CDH8: variants seen among roughly 807,000 people sequenced by gnomAD.
The protein encoded by CDH8 is cadherin-8.
Under a neutral mutation model 68.1 loss-of-function variants are expected in CDH8, and 17 were observed. That is an observed-to-expected ratio of 0.25 (90% CI 0.17 to 0.37). CDH8 has a LOEUF of 0.37. Among genes scored for constraint, CDH8 ranks in the 10% least tolerant of loss-of-function variants. The probability of loss-of-function intolerance (pLI) is 1.00; values close to 1 mark genes in which losing one functional copy is unlikely to be tolerated. For synonymous variants in CDH8, 372 were observed against 365.1 expected, an observed-to-expected ratio of 1.02 and a Z score of -0.21; for missense variants, 763 against 999.3, an observed-to-expected ratio of 0.76 and a Z score of 3.19.
chr16:61,858,887 T>C (rs999462934), intron 3 of CDH8, among the ~76,000 whole-genome samples: 12 of 152,048 alleles, frequency 7.9e-5, no homozygotes, highest in African/African-American at 2.9e-4. Flanking sequence ...GGAGGACAAC[T>C]ACAAAATGGT....
chr16:61,900,286 G>A lies in CDH8; in HGVS notation c.547+893C>T, dbSNP rs145625878. On this transcript the variant is annotated intron_variant, in intron 3 of 11. Coordinates refer to ENST00000577390, the MANE Select transcript of CDH8 (RefSeq NM_001796.5). ...TTGTTCACCTGCTTCAAAGCTATGT[G>A]ACTTTACTACATAGCATGCACCCTT... Among the ~76,000 whole-genome samples, 1,397 of 152,142 alleles carry A rather than the reference G, an allele frequency of 9.2e-3. 21 individuals carry two copies. Among genetic ancestry groups the A allele is most frequent in the African/African-American group, 0.032 (1,314 of 41,498 alleles).
chr16:61,654,991 A>C (rs1381023637), intron 11 of CDH8, among the ~76,000 whole-genome samples: 1 of 152,212 alleles, frequency 6.6e-6, no homozygotes, highest in Non-Finnish European at 1.5e-5. Context: ...AGAGAAATGC[A>C]ATGGTATTTT....
intron 8 of CDH8, among the ~76,000 whole-genome samples, chr16:61,777,425 G>A (rs1007165805): frequency 3.9e-5 from 6 of 152,032 alleles, no homozygotes; most frequent in Admixed American, 2.0e-4. Context: ...TACAGCTTTG[G>A]AGAGGGTGGT....
intron 7 of CDH8, among the ~76,000 whole-genome samples, chr16:61,804,577 C>T (rs1243876850): frequency 2.0e-5 from 3 of 146,932 alleles, no homozygotes; most frequent in South Asian, 2.2e-4. Context: ...ACTAGCAAGA[C>T]TAATAAAGAA....
In CDH8 at chr16:61,648,528, A is replaced by G. The variant is rs1219830995; in HGVS notation, c.*5080T>C. 2.0e-5 allele frequency: 3 copies of G among 151,888 alleles called. No homozygotes were observed. The highest frequency in any genetic ancestry group is 4.8e-5 in the African/African-American group (2 of 41,412). The allele number at this position is 151,888 out of a possible 1,614,324, so 9.4% of individuals were successfully genotyped here. A position where few individuals can be genotyped will look rare whatever the true frequency, so the allele number is the denominator to read the frequency against. On this transcript the variant is annotated 3_prime_UTR_variant, in exon 12 of 12. Transcript: ENST00000577390. ...CATCAAAAGTCTCATAATTACAGAG[A>G]TAACTGTTTAGTTGAAAGTTAAGGG... is the stretch of plus-strand genomic sequence containing the variant.
intron 3 of CDH8, among the ~76,000 whole-genome samples, chr16:61,876,556 G>A (rs562886990): frequency 6.6e-6 from 1 of 152,034 alleles, no homozygotes; most frequent in Non-Finnish European, 1.5e-5. Flanking sequence ...GTCTAAGCAT[G>A]CTTTAATCCA....
At chr16:61,680,364 A>G (rs1438777919) in intron 10 of CDH8, among the ~76,000 whole-genome samples, 1 of 151,912 alleles carries the variant, frequency 6.6e-6, no homozygotes, top group East Asian at 1.9e-4. Flanking sequence ...AACTTAGGAA[A>G]ATCACCTATG....
chr16:61,986,811 C>G (rs1013072135), intron 2 of CDH8, among the ~76,000 whole-genome samples: 1 of 152,084 alleles, frequency 6.6e-6, no homozygotes, highest in Admixed American at 6.5e-5. Context: ...CTGGGGAGAC[C>G]ATTTACATTT....
chr16:61,790,461 C>A (rs1016023447), intron 7 of CDH8, among the ~76,000 whole-genome samples: 48 of 151,842 alleles, frequency 3.2e-4, no homozygotes, highest in African/African-American at 1.1e-3. Flanking sequence ...AGGATGGATG[C>A]CCAAAGAAGG....
At chr16:62,015,273 C>T (rs1216256130) in intron 2 of CDH8, among the ~76,000 whole-genome samples, 1 of 152,074 alleles carries the variant, frequency 6.6e-6, no homozygotes, top group Non-Finnish European at 1.5e-5. Flanking sequence ...AGACTTGGCT[C>T]CATTCTCCAA....
At chr16:61,755,660 TTTTA>T (rs770984123) in intron 8 of CDH8, among the ~76,000 whole-genome samples, 5 of 152,170 alleles carry the variant, frequency 3.3e-5, no homozygotes, top group Non-Finnish European at 5.9e-5. Context: ...TTTTATTTTA[TTTTA>T]TTTATTTTAT....
At chr16:61,792,682 C>A (rs559872058) in intron 7 of CDH8, among the ~76,000 whole-genome samples, 2 of 152,074 alleles carry the variant, frequency 1.3e-5, no homozygotes, top group South Asian at 4.1e-4. Context: ...GCTTCTGAGT[C>A]ATTGTGAAGT....
chr16:61,996,688 T>G (rs565282218), intron 2 of CDH8, among the ~76,000 whole-genome samples: 41 of 152,292 alleles, frequency 2.7e-4, no homozygotes, highest in African/African-American at 9.9e-4. Context: ...TAAATTATAT[T>G]ATATCAATCA....
chr16:62,024,479 G>A (rs1355861489), intron 1 of CDH8, among the ~76,000 whole-genome samples: 1 of 151,998 alleles, frequency 6.6e-6, no homozygotes. Context: ...ATTCATAATA[G>A]ACATTTTCAT....
At chr16:61,706,821 T>C (rs1440647617) in intron 10 of CDH8, among the ~76,000 whole-genome samples, 1 of 152,176 alleles carries the variant, frequency 6.6e-6, no homozygotes, top group Non-Finnish European at 1.5e-5. Context: ...ATAAGCTATG[T>C]ATTTGCTAAG....
intron 2 of CDH8, among the ~76,000 whole-genome samples, chr16:61,911,100 T>C (rs1280235778): frequency 1.3e-5 from 2 of 152,086 alleles, no homozygotes; most frequent in Non-Finnish European, 2.9e-5. Context: ...TGTGAGTGAA[T>C]AGTAATAGTG....
intron 8 of CDH8, among the ~76,000 whole-genome samples, chr16:61,768,326 C>G (rs1412914312): frequency 2.9e-4 from 26 of 90,132 alleles, no homozygotes; most frequent in South Asian, 1.8e-3. Context: ...CTCTCTCTCT[C>G]TCTCTCTCTC....
At chr16:61,977,165 T>C (rs943493087) in intron 2 of CDH8, among the ~76,000 whole-genome samples, 1 of 152,180 alleles carries the variant, frequency 6.6e-6, no homozygotes, top group Non-Finnish European at 1.5e-5. Flanking sequence ...CCCAGCCATG[T>C]GGCAGTTAAC....
At chr16:61,712,792 A>G (rs1482647004) in intron 10 of CDH8, among the ~76,000 whole-genome samples, 2 of 151,680 alleles carry the variant, frequency 1.3e-5, no homozygotes, top group Admixed American at 1.3e-4. Flanking sequence ...ATCCACATTT[A>G]TCAAAGCGTC....
Sources: gnomAD v4.1 joint callset for allele counts (sites outside exome capture counted in the v4.1 genomes callset) on GRCh38, gnomAD v4.1.1 for gene constraint, MANE v1.5 for transcripts, NCBI Gene and HGNC (gene_info 2026-07-23, HGNC 2026-07-21) for gene names.